Variants in THADA observed in about 807,000 individuals in gnomAD.
THADA encodes THADA armadillo repeat containing, also known as tRNA (32-2'-O)-methyltransferase regulator THADA.
Under a neutral mutation model 219.8 loss-of-function variants are expected in THADA, and 213 were observed. The ratio of observed to expected loss-of-function variants is 0.97; its 90% CI spans 0.87 to 1.09. The LOEUF (loss-of-function observed/expected upper bound fraction) is 1.09, where lower values mean the gene tolerates loss of function less well. Ranked by LOEUF, THADA falls within the 50% of genes least tolerant of loss-of-function variation. The pLI, the probability that THADA is intolerant of heterozygous loss-of-function variation, is 0.00. For synonymous variants in THADA, 1,018 were observed against 828.9 expected (o/e 1.23, Z -3.92); for missense variants, 2,956 against 2,311.3 (o/e 1.28, Z -5.72).
chr2:43,410,772 A>G (rs961469434), intron 28 of THADA, among the ~76,000 whole-genome samples: 2 of 152,292 alleles, frequency 1.3e-5, no homozygotes, highest in East Asian at 1.9e-4. Context: ...GATGATGGCT[A>G]TGTTCCTTAC....
chr2:43,314,639 G>A (rs1010732848), intron 31 of THADA, among the ~76,000 whole-genome samples: 3 of 152,164 alleles, frequency 2.0e-5, no homozygotes, highest in South Asian at 2.1e-4. Context: ...TAAAGCTCTC[G>A]TCTCCATGTC....
At chr2:43,377,896 A>G (rs780366272) in intron 29 of THADA, among the ~76,000 whole-genome samples, 1 of 152,186 alleles carries the variant, frequency 6.6e-6, no homozygotes, top group Non-Finnish European at 1.5e-5. Flanking sequence ...AGACACCGCA[A>G]AAGGCAGAAT....
chr2:43,411,447 C>T (rs181805505), intron 28 of THADA, among the ~76,000 whole-genome samples: 8 of 152,264 alleles, frequency 5.3e-5, no homozygotes, highest in South Asian at 4.1e-4. Flanking sequence ...CTGTATTCAG[C>T]GGTATGATTT....
At chr2:43,285,117 C>T (rs923341758) in intron 35 of THADA, among the ~76,000 whole-genome samples, 1 of 152,160 alleles carries the variant, frequency 6.6e-6, no homozygotes, top group Non-Finnish European at 1.5e-5. Context: ...AGACTTTGGA[C>T]TGTGGACTTT....
chr2:43,261,292 C>T (rs1469381381), intron 36 of THADA, among the ~76,000 whole-genome samples: 5 of 138,920 alleles, frequency 3.6e-5, no homozygotes, highest in Non-Finnish European at 7.5e-5. Context: ...GGTCCAATCT[C>T]GGCTCACTGC....
chr2:43,478,924 C>G (rs1466163538), intron 26 of THADA, among the ~76,000 whole-genome samples: 1 of 152,202 alleles, frequency 6.6e-6, no homozygotes, highest in African/African-American at 2.4e-5. Context: ...AGACTTAATT[C>G]TGACTTTAGG....
At chr2:43,345,248 G>A (rs1667508114) in intron 29 of THADA, among the ~76,000 whole-genome samples, 2 of 152,170 alleles carry the variant, frequency 1.3e-5, no homozygotes, top group African/African-American at 4.8e-5. Context: ...TGAAATAATT[G>A]AGAGTTAGAT....
intron 6 of THADA, 95 bp from the exon 7 acceptor site, chr2:43,586,544 T>C (rs1701045828): frequency 1.5e-6 from 2 of 1,343,422 alleles, no homozygotes; most frequent in Non-Finnish European, 2.0e-6. Context: ...TCCAAAATGA[T>C]ATCATGATAT....
At chr2:43,441,203 C>G (rs1217145129) in intron 26 of THADA, among the ~76,000 whole-genome samples, 1 of 152,154 alleles carries the variant, frequency 6.6e-6, no homozygotes, top group Admixed American at 6.5e-5. Context: ...CAACCTTGTT[C>G]AAGCACTCTG....
intron 29 of THADA, among the ~76,000 whole-genome samples, chr2:43,352,392 T>C (rs1230499206): frequency 2.0e-5 from 3 of 152,090 alleles, no homozygotes; most frequent in Non-Finnish European, 4.4e-5. Flanking sequence ...ACCCCATCTC[T>C]ACTAAAAATA....
intron 21 of THADA, among the ~76,000 whole-genome samples, chr2:43,539,597 C>T (rs752160763): frequency 6.6e-6 from 1 of 152,176 alleles, no homozygotes; most frequent in Admixed American, 6.5e-5. Flanking sequence ...ATTACATATA[C>T]AGTTCATCGC....
chr2:43,535,373 G>C (rs79145221), intron 21 of THADA, among the ~76,000 whole-genome samples: 1 of 150,790 alleles, frequency 6.6e-6, no homozygotes, highest in South Asian at 2.1e-4. Flanking sequence ...TGCTTTTGAG[G>C]TCTTATTTAT....
At chr2:43,501,662 G>C (rs769263547) in intron 24 of THADA, among the ~76,000 whole-genome samples, 35 of 152,122 alleles carry the variant, frequency 2.3e-4, no homozygotes, top group Non-Finnish European at 4.3e-4. Flanking sequence ...AGTGGTTTTA[G>C]GCCAGGTGTG....
At position 43,574,899 on chromosome 2, in the gene THADA, A is replaced by G. The variant is rs748717251; in HGVS notation, c.1166T>C (p.Val389Ala). ...ATAGACATATTCCAAAAGTCTCCCA[A>G]CTATACTTGAATTCCCATTCAGGCT... The part of the protein sequence containing the change: ...TDSLNGNSSI[V>A]GRLLEYVYTH... The change falls in exon 11 of 38, where the codon GTT (valine) becomes GCT (alanine). Residue 389 changes from valine to alanine, a missense_variant. Val to Ala is a moderately conservative substitution (Grantham distance 64). Coordinates refer to ENST00000405975, the MANE Select transcript of THADA (RefSeq NM_022065.5). 8 of 1,613,978 alleles carry G rather than the reference A, an allele frequency of 5.0e-6. No homozygotes were observed. Among genetic ancestry groups the G allele is most frequent in the South Asian group, 1.1e-5 (1 of 91,088 alleles).
intron 22 of THADA, among the ~76,000 whole-genome samples, chr2:43,523,182 T>C (rs1163161577): frequency 3.3e-5 from 5 of 151,996 alleles, no homozygotes; most frequent in African/African-American, 9.7e-5. Context: ...CTAAGCAACA[T>C]GGCGAAACCC....
intron 7 of THADA, 77 bp from the exon 8 acceptor site, chr2:43,582,005 A>AAT (rs1461453643): frequency 9.0e-7 from 1 of 1,113,902 alleles, no homozygotes; most frequent in African/African-American, 1.6e-5. Context: ...CAGCAAAATA[A>AAT]ATACATTCCT....
intron 29 of THADA, among the ~76,000 whole-genome samples, chr2:43,367,686 T>G (rs1205984772): frequency 6.6e-6 from 1 of 152,226 alleles, no homozygotes; most frequent in African/African-American, 2.4e-5. Context: ...GAACAATTAT[T>G]GAGTGACGCT....
At chr2:43,521,002 G>T (rs1417590552) in intron 22 of THADA, among the ~76,000 whole-genome samples, 2 of 118,314 alleles carry the variant, frequency 1.7e-5, no homozygotes, top group Admixed American at 7.9e-5. Flanking sequence ...GGGAGGAAAG[G>T]GAGGGAAGGG....
intron 21 of THADA, among the ~76,000 whole-genome samples, chr2:43,535,168 C>CTTTTTTTTTTTTT (rs549879408): frequency 1.9e-4 from 10 of 52,540 alleles, no homozygotes; most frequent in Non-Finnish European, 2.4e-4. Flanking sequence ...ATCATTTGTC[C>CTTTTTTTTTTTTT]TTTTTTTTTT....
Sources: allele counts gnomAD v4.1 joint callset (sites outside exome capture counted in the v4.1 genomes callset), GRCh38; gene constraint gnomAD v4.1.1; transcripts MANE v1.5; gene names NCBI Gene and HGNC (gene_info 2026-07-23, HGNC 2026-07-21).